PACRG: variants seen among roughly 807,000 people sequenced by gnomAD.
PACRG encodes parkin coregulated gene protein.
A neutral mutation model predicts 29.7 loss-of-function variants in PACRG; 29 were observed. The ratio of observed to expected loss-of-function variants is 0.98; its 90% CI spans 0.73 to 1.33. PACRG has a LOEUF of 1.33. PACRG is among the 40% of genes most tolerant of loss of function. The pLI is 0.00. For missense variants in PACRG, 279 were observed against 316.2 expected (o/e 0.88, Z 0.89); for synonymous variants, 116 against 118.7 (o/e 0.98, Z 0.15).
intron 4 of PACRG, among the ~76,000 whole-genome samples, chr6:163,281,496 T>C (rs1190313656): frequency 3.9e-5 from 6 of 152,112 alleles, no homozygotes. Flanking sequence ...GATCAAAACA[T>C]TGGCGTACAA....
intron 4 of PACRG, among the ~76,000 whole-genome samples, chr6:163,215,378 G>A (rs974186304): frequency 2.6e-5 from 4 of 152,092 alleles, no homozygotes; most frequent in African/African-American, 4.8e-5. Flanking sequence ...TGTTAATTTA[G>A]CAATAGCTTT....
chr6:162,758,116 C>T (rs1782069918), intron 1 of PACRG, among the ~76,000 whole-genome samples: 1 of 151,866 alleles, frequency 6.6e-6, no homozygotes, highest in Non-Finnish European at 1.5e-5. Context: ...AAATATAAAC[C>T]AAATTAAAAA....
chr6:162,924,640 G>T (rs528293407), intron 2 of PACRG, among the ~76,000 whole-genome samples: 11 of 151,962 alleles, frequency 7.2e-5, no homozygotes, highest in African/African-American at 2.4e-4. Flanking sequence ...GTTGTCCATT[G>T]GGATGATAAT....
At chr6:163,190,349 G>A (rs984658804) in intron 4 of PACRG, 1 of 152,252 alleles carries the variant, frequency 6.6e-6, no homozygotes, top group African/African-American at 2.4e-5. Context: ...CCCAGTCAGT[G>A]ACAGTCAACC....
chr6:163,214,066 T>G (rs1781264547), intron 4 of PACRG, among the ~76,000 whole-genome samples: 1 of 152,190 alleles, frequency 6.6e-6, no homozygotes. Context: ...CCAACCAAAC[T>G]CTTTTCATTA....
intron 2 of PACRG, among the ~76,000 whole-genome samples, chr6:163,053,611 T>C (rs988715487): frequency 2.6e-5 from 4 of 152,220 alleles, no homozygotes; most frequent in African/African-American, 9.6e-5. Flanking sequence ...GCCTATCTTG[T>C]CTATTATAAT....
Position 163,073,153 on chromosome 6 carries a change from C to T in PACRG, c.463+10832C>T, listed in dbSNP as rs553715462. The stretch of plus-strand genomic sequence containing the variant: ...AAGACCCAGAATTGTCAAAACTATC[C>T]GAAGCAAAAAGAATAAAGCTGGAGG... On this transcript the variant is annotated intron_variant, in intron 3 of 4. Transcript: ENST00000366888. Among the ~76,000 whole-genome samples the T allele has an allele frequency of 3.4e-4, 52 of 152,084 alleles. 1 individual carries two copies. Among genetic ancestry groups the T allele is most frequent in the Admixed American group, 2.8e-3 (43 of 15,248 alleles).
At chr6:162,815,799 A>G (rs1459292415) in intron 2 of PACRG, among the ~76,000 whole-genome samples, 1 of 152,092 alleles carries the variant, frequency 6.6e-6, no homozygotes, top group Non-Finnish European at 1.5e-5. Context: ...GTACTGGCTC[A>G]TAGATATGTA....
chr6:162,759,933 A>G (rs1782215187), intron 1 of PACRG, among the ~76,000 whole-genome samples: 1 of 152,186 alleles, frequency 6.6e-6, no homozygotes. Flanking sequence ...AATTGTGTGC[A>G]TAGATTTGTG....
chr6:162,747,360 A>AAG (rs1781101137), intron 1 of PACRG, among the ~76,000 whole-genome samples: 1 of 61,384 alleles, frequency 1.6e-5, no homozygotes, highest in African/African-American at 9.2e-5. Flanking sequence ...ATATATATAT[A>AAG]TATACACATA....
chr6:163,007,243 C>G (rs1323350492), intron 2 of PACRG, among the ~76,000 whole-genome samples: 5 of 152,034 alleles, frequency 3.3e-5, no homozygotes, highest in South Asian at 4.1e-4. Flanking sequence ...GCTTTTACTT[C>G]TATATATTAT....
intron 3 of PACRG, among the ~76,000 whole-genome samples, chr6:163,075,090 T>C (rs1562890300): frequency 1.3e-5 from 2 of 152,132 alleles, no homozygotes; most frequent in South Asian, 2.1e-4. Context: ...CCTACAGACA[T>C]TGAAAATATC....
chr6:162,868,892 G>A (rs1792556737), intron 2 of PACRG, among the ~76,000 whole-genome samples: 1 of 151,474 alleles, frequency 6.6e-6, no homozygotes, highest in African/African-American at 2.5e-5. Flanking sequence ...CCTGTTCTAG[G>A]AGGACTACGT....
At chr6:162,941,048 A>ATGTGTGTGTG (rs370462604) in intron 2 of PACRG, among the ~76,000 whole-genome samples, 1,381 of 81,938 alleles carry the variant, frequency 0.017, 14 homozygotes, top group Middle Eastern at 0.032. Flanking sequence ...GTGTTTGTGC[A>ATGTGTGTGTG]TGTGTGTGTG....
intron 2 of PACRG, among the ~76,000 whole-genome samples, chr6:162,958,756 A>G (rs4272194): frequency 0.68 from 99,664 of 146,750 alleles, 34,000 homozygotes; most frequent in East Asian, 0.78. Flanking sequence ...GTGTGTGTGT[A>G]TATATATACA....
At chr6:162,995,711 C>G (rs1348648757) in intron 2 of PACRG, among the ~76,000 whole-genome samples, 5 of 152,242 alleles carry the variant, frequency 3.3e-5, no homozygotes, top group African/African-American at 4.8e-5. Context: ...CTGCGTCGCT[C>G]ACGCTGGGAG....
intron 2 of PACRG, among the ~76,000 whole-genome samples, chr6:162,919,400 A>C (rs765411886): frequency 2.6e-5 from 4 of 152,182 alleles, no homozygotes; most frequent in Non-Finnish European, 5.9e-5. Context: ...TGAGTGCCCC[A>C]AAAGAGAAAA....
intron 2 of PACRG, among the ~76,000 whole-genome samples, chr6:162,980,628 T>C (rs2128171335): frequency 6.6e-6 from 1 of 152,264 alleles, no homozygotes. Context: ...AAATACTGTT[T>C]TATCTACTCA....
intron 2 of PACRG, among the ~76,000 whole-genome samples, chr6:162,837,587 C>G (rs1789342227): frequency 6.6e-6 from 1 of 152,122 alleles, no homozygotes; most frequent in African/African-American, 2.4e-5. Context: ...GAATAATCCT[C>G]ACAACTTATC....
Sources: allele counts gnomAD v4.1 joint callset (sites outside exome capture counted in the v4.1 genomes callset), GRCh38; gene constraint gnomAD v4.1.1; transcripts MANE v1.5; gene names NCBI Gene and HGNC (gene_info 2026-07-23, HGNC 2026-07-21).